Variants in APOBEC1 observed in about 807,000 individuals in gnomAD.
APOBEC1 encodes apolipoprotein B mRNA editing enzyme catalytic subunit 1.
APOBEC1 carries 22 observed loss-of-function variants against 26.3 expected under a neutral mutation model. That is an observed-to-expected ratio of 0.84 (90% confidence interval 0.60 to 1.19). APOBEC1 has a LOEUF of 1.19. Ranked by LOEUF, APOBEC1 falls within the 50% of genes most tolerant of loss-of-function variation. The pLI is 0.00. For synonymous variants in APOBEC1, 77 were observed against 95.3 expected (o/e 0.81, Z 1.12); for missense variants, 253 against 289.0 (o/e 0.88, Z 0.90).
chr12:7,661,163 G>T (rs938630900), intron 1 of APOBEC1, among the ~76,000 whole-genome samples: 1 of 146,754 alleles, frequency 6.8e-6, no homozygotes, highest in Non-Finnish European at 1.5e-5. Flanking sequence ...CCAAATTTGC[G>T]CCACTGCACT....
At chr12:7,662,309 C>T (rs369541598) in intron 1 of APOBEC1, among the ~76,000 whole-genome samples, 8 of 151,880 alleles carry the variant, frequency 5.3e-5, no homozygotes, top group Admixed American at 2.0e-4. Flanking sequence ...CGGCCGGGTA[C>T]GGTGGATCAT....
chr12:7,667,838 A>C (rs1263083423), upstream of APOBEC1, among the ~76,000 whole-genome samples: 1 of 146,136 alleles, frequency 6.8e-6, no homozygotes, highest in African/African-American at 2.5e-5. Flanking sequence ...GCTCGAACCC[A>C]GGAGGGAAGT....
intron 1 of APOBEC1, among the ~76,000 whole-genome samples, chr12:7,655,035 C>G (rs1565440570): frequency 4.0e-5 from 6 of 151,834 alleles, no homozygotes; most frequent in Admixed American, 3.3e-4. Context: ...ATGGTGAAAC[C>G]CTGTCTCTAC....
intron 1 of APOBEC1, among the ~76,000 whole-genome samples, chr12:7,665,180 G>A (rs1349213844): frequency 2.0e-5 from 3 of 152,144 alleles, no homozygotes; most frequent in Non-Finnish European, 4.4e-5. Context: ...AACACTGACT[G>A]TGCACAAATT....
chr12:7,665,774 CACACACACACA>C, intron 1 of APOBEC1, 72 bp downstream of exon 1: 1 of 1,056,828 alleles, frequency 9.5e-7, no homozygotes, highest in African/African-American at 1.6e-5. Flanking sequence ...CACACACACA[CACACACACACA>C]CACACACACA....
At chr12:7,656,729 G>A (rs1217132945) in intron 1 of APOBEC1, among the ~76,000 whole-genome samples, 6 of 152,138 alleles carry the variant, frequency 3.9e-5, no homozygotes, top group African/African-American at 7.2e-5. Flanking sequence ...CAAGGTTGTC[G>A]GAAGACTCAC....
chr12:7,651,424 C>T (rs912374703), intron 3 of APOBEC1, among the ~76,000 whole-genome samples: 1 of 151,976 alleles, frequency 6.6e-6, no homozygotes, highest in African/African-American at 2.4e-5. Context: ...ACCATCCTGC[C>T]TAACACAGTG....
At chr12:7,660,332 A>AAGGAAGGG (rs1863789786) in intron 1 of APOBEC1, among the ~76,000 whole-genome samples, 1 of 100,534 alleles carries the variant, frequency 9.9e-6, no homozygotes, top group Non-Finnish European at 2.1e-5. Flanking sequence ...GGAAGGAAGG[A>AAGGAAGGG]AGGGAAGGAA....
At chr12:7,651,909 C>T (rs951268204) in intron 3 of APOBEC1, among the ~76,000 whole-genome samples, 2 of 152,060 alleles carry the variant, frequency 1.3e-5, no homozygotes, top group South Asian at 2.1e-4. Context: ...CAAGCTCCGC[C>T]TCCCGGGTTC....
At chr12:7,654,539 A>C in intron 2 of APOBEC1, 66 bp downstream of exon 2, 1 of 1,520,360 alleles carries the variant, frequency 6.6e-7, no homozygotes, top group Non-Finnish European at 9.1e-7. Flanking sequence ...GCCACCATGC[A>C]CAGCTCTTAA....
chr12:7,657,916 T>C (rs780902894), intron 1 of APOBEC1, among the ~76,000 whole-genome samples: 1 of 151,742 alleles, frequency 6.6e-6, no homozygotes, highest in Non-Finnish European at 1.5e-5. Flanking sequence ...TATAAATAAA[T>C]AACAAAAAAA....
At chr12:7,649,811 T>C (rs1307937697) in intron 4 of APOBEC1, 115 bp from the exon 5 acceptor site, 2 of 922,966 alleles carry the variant, frequency 2.2e-6, no homozygotes, top group Non-Finnish European at 3.2e-6. Flanking sequence ...TTTCTTCTTT[T>C]TTTTTTTTCC....
chr12:7,664,875 C>T (rs919850386), intron 1 of APOBEC1, among the ~76,000 whole-genome samples: 32 of 150,316 alleles, frequency 2.1e-4, no homozygotes, highest in African/African-American at 7.9e-4. Flanking sequence ...CCACTGTACT[C>T]CAGCCTAGGC....
chr12:7,652,363 T>C, intron 3 of APOBEC1, 75 bp downstream of exon 3: 2 of 1,380,256 alleles, frequency 1.4e-6, no homozygotes, highest in Non-Finnish European at 9.8e-7. Flanking sequence ...GGCTAACCAA[T>C]CTTCTGGCCT....
At chr12:7,652,306 C>G in intron 3 of APOBEC1, 132 bp downstream of exon 3, 1 of 777,858 alleles carries the variant, frequency 1.3e-6, no homozygotes. Flanking sequence ...CAGACCTAGT[C>G]CTTTATGACA....
chr12:7,659,328 T>A (rs1398653113), intron 1 of APOBEC1, among the ~76,000 whole-genome samples: 1,791 of 78,298 alleles, frequency 0.023, 31 homozygotes, highest in Middle Eastern at 0.032. Flanking sequence ...AAAAAATATA[T>A]ATATATATAT....
intron 4 of APOBEC1, among the ~76,000 whole-genome samples, chr12:7,650,486 A>G (rs911430705): frequency 1.2e-4 from 18 of 152,354 alleles, no homozygotes; most frequent in African/African-American, 3.8e-4. Context: ...GGGACCACCC[A>G]TATCTTAGAT....
upstream of APOBEC1, among the ~76,000 whole-genome samples, chr12:7,668,531 A>C (rs955498342): frequency 2.0e-5 from 3 of 152,122 alleles, no homozygotes; most frequent in African/African-American, 7.2e-5. Context: ...GAAAACTTGG[A>C]ACTATGACAT....
At chr12:7,662,442 G>C (rs1164172631) in intron 1 of APOBEC1, among the ~76,000 whole-genome samples, 2 of 152,118 alleles carry the variant, frequency 1.3e-5, no homozygotes, top group Non-Finnish European at 2.9e-5. Context: ...AATTAGCCGG[G>C]CATGTTGGCA....
Sources: gnomAD v4.1 joint callset for allele counts (sites outside exome capture counted in the v4.1 genomes callset) on GRCh38, gnomAD v4.1.1 for gene constraint, MANE v1.5 for transcripts, NCBI Gene and HGNC (gene_info 2026-07-23, HGNC 2026-07-21) for gene names.